Variants in DST observed in about 807,000 individuals in gnomAD.
DST encodes bullous pemphigoid antigen.
In DST, 253 loss-of-function variants were observed where a neutral mutation model predicts 875.2. The observed-to-expected ratio is 0.29, with a 90% CI of 0.26 to 0.32. The LOEUF (loss-of-function observed/expected upper bound fraction) is 0.32. Ranked by LOEUF, DST falls within the 10% of genes least tolerant of loss-of-function variation. The pLI is 1.00. For synonymous variants in DST, 3,124 were observed against 3,197.1 expected (o/e 0.98, Z 0.77); for missense variants, 8,287 against 9,111.6 (o/e 0.91, Z 3.68).
intron 4 of DST, among the ~76,000 whole-genome samples, chr6:56,812,016 T>C (rs777236989): frequency 1.3e-5 from 2 of 150,182 alleles, no homozygotes; most frequent in African/African-American, 2.4e-5. Flanking sequence ...GCATGAGAAC[T>C]GCTTGAACCC....
At chr6:56,470,006 G>GTACAATCCTTAAAACT in intron 96 of DST, 49 bp from the exon 97 acceptor site, 1 of 1,603,584 alleles carries the variant, frequency 6.2e-7, no homozygotes, top group Non-Finnish European at 8.5e-7. Context: ...ATATTACATA[G>GTACAATCCTTAAAACT]TACAATCCTT....
At chr6:56,523,612 A>G (rs886395283) in intron 69 of DST, among the ~76,000 whole-genome samples, 1 of 152,170 alleles carries the variant, frequency 6.6e-6, no homozygotes, top group African/African-American at 2.4e-5. Flanking sequence ...TGACATTATA[A>G]AAGAGGTATA....
chr6:56,642,139 C>T, intron 16 of DST, 38 bp from the exon 17 acceptor site: 1 of 1,541,914 alleles, frequency 6.5e-7, no homozygotes, highest in Non-Finnish European at 8.9e-7. Context: ...TTCTGTGAAA[C>T]AAGTTTCAAA....
At chr6:56,728,197 T>G (rs2099475708) in intron 5 of DST, among the ~76,000 whole-genome samples, 1 of 152,200 alleles carries the variant, frequency 6.6e-6, no homozygotes, top group African/African-American at 2.4e-5. Flanking sequence ...CACAATTTTA[T>G]CAACAAACAC....
chr6:56,549,384 T>G (rs2097282249), intron 61 of DST, among the ~76,000 whole-genome samples: 1 of 152,192 alleles, frequency 6.6e-6, no homozygotes, highest in Non-Finnish European at 1.5e-5. Flanking sequence ...AGCTTTTCAC[T>G]CAATACAAAT....
rs947243093 is a variant in DST, at chr6:56,678,570, T to C, written c.1048-7763A>G. Among the ~76,000 whole-genome samples, 7 of 152,192 alleles carry C rather than the reference T, an allele frequency of 4.6e-5. No homozygotes were observed. In the South Asian group the frequency reaches 6.2e-4, roughly 14 times the overall value. On this transcript the variant is annotated intron_variant, in intron 9 of 103. Transcript: ENST00000680361. ...TATAATATGTATATTTCATATATAC[T>C]TGGGGGACAGGGTGGGCTGTGGGAG... is the stretch of plus-strand genomic sequence containing the variant.
chr6:56,547,540 C>T (rs897864228), intron 61 of DST, among the ~76,000 whole-genome samples: 1 of 152,198 alleles, frequency 6.6e-6, no homozygotes, highest in African/African-American at 2.4e-5. Flanking sequence ...ACAAAAACCT[C>T]TTCTGCAACA....
chr6:56,497,600 T>C, intron 81 of DST, 93 bp from the exon 82 acceptor site: 1 of 1,453,516 alleles, frequency 6.9e-7, no homozygotes, highest in Non-Finnish European at 9.3e-7. Flanking sequence ...GCTAAGCCTC[T>C]CTATGCATTC....
Position 56,517,544 on chromosome 6 carries a change from C to T in DST, c.18206G>A (p.Arg6069Lys). The T allele has an allele frequency of 6.2e-7, 1 of 1,613,294 alleles. No homozygotes were observed. The highest frequency in any genetic ancestry group is 8.5e-7 in the Non-Finnish European group (1 of 1,179,564). Residue 6069 changes from arginine (R) to lysine (K), a missense_variant, in exon 70 of 104, where the codon AGG (arginine) becomes AAG (lysine). By Grantham distance (26) the Arg-to-Lys change is conservative. Around this residue, in one of 10 missense-constraint regions of DST, gnomAD observed 777 missense variants for 764.8 expected, o/e 1.02. Coordinates refer to ENST00000680361, the MANE Select transcript of DST (RefSeq NM_001374736.1). ...EKKLMSLGDI[R>K]LEQDQTSAQL... ...AGCAGAAGTCTGGTCTTGCTCAAGC[C>T]TGATGTCACCCAGAGACATCAATTT... is the stretch of plus-strand genomic sequence containing the variant.
At chr6:56,822,466 C>CAA (rs1426530786) in intron 4 of DST, among the ~76,000 whole-genome samples, 1 of 152,106 alleles carries the variant, frequency 6.6e-6, no homozygotes, top group African/African-American at 2.4e-5. Flanking sequence ...AGAGACTGCA[C>CAA]AAAAGCAAAT....
At chr6:56,466,529 C>A in intron 98 of DST, 1 of 168,336 alleles carries the variant, frequency 5.9e-6, no homozygotes, top group Non-Finnish European at 1.3e-5. Context: ...TAAACATAGC[C>A]ATGAAAGTAA....
chr6:56,815,267 A>G (rs1402496785), intron 4 of DST, among the ~76,000 whole-genome samples: 1 of 152,218 alleles, frequency 6.6e-6, no homozygotes, highest in African/African-American at 2.4e-5. Flanking sequence ...AATAAGGCCA[A>G]TGCACACAGC....
intron 4 of DST, chr6:56,742,266 C>T (rs1004615123): frequency 3.9e-6 from 5 of 1,280,884 alleles, no homozygotes; most frequent in South Asian, 2.5e-5. Flanking sequence ...TGTGATACTA[C>T]TAACCCATAC....
chr6:56,837,239 T>C (rs1483743542), intron 4 of DST, among the ~76,000 whole-genome samples: 1 of 152,204 alleles, frequency 6.6e-6, no homozygotes, highest in African/African-American at 2.4e-5. Flanking sequence ...TAAAAACACC[T>C]TTTCTAATAA....
intron 10 of DST, among the ~76,000 whole-genome samples, chr6:56,661,780 G>A (rs146629032): frequency 2.7e-3 from 405 of 152,218 alleles, no homozygotes; most frequent in African/African-American, 9.0e-3. Flanking sequence ...TAGAGCCGCC[G>A]TTTCTCCATG....
intron 4 of DST, among the ~76,000 whole-genome samples, chr6:56,788,058 G>C (rs946137634): frequency 1.3e-5 from 2 of 148,476 alleles, no homozygotes; most frequent in African/African-American, 5.0e-5. Flanking sequence ...GAACCTGGGA[G>C]GGGGAGGTTG....
chr6:56,707,403 T>G (rs1175738486), intron 5 of DST, among the ~76,000 whole-genome samples: 1 of 152,210 alleles, frequency 6.6e-6, no homozygotes, highest in Non-Finnish European at 1.5e-5. Context: ...CACTAAAAGA[T>G]TATATTTATA....
At chr6:56,783,050 A>G (rs2099697363) in intron 4 of DST, among the ~76,000 whole-genome samples, 1 of 152,062 alleles carries the variant, frequency 6.6e-6, no homozygotes, top group Admixed American at 6.5e-5. Flanking sequence ...GAGTTTCTTA[A>G]TCCTGAGTTC....
intron 36 of DST, among the ~76,000 whole-genome samples, chr6:56,620,997 A>T (rs1220373664): frequency 6.6e-6 from 1 of 152,196 alleles, no homozygotes; most frequent in Non-Finnish European, 1.5e-5. Flanking sequence ...TTATAGCAAG[A>T]AGGGAATTTA....
Sources: gnomAD v4.1 joint callset for allele counts (sites outside exome capture counted in the v4.1 genomes callset) on GRCh38, gnomAD v4.1.1 for gene constraint, gnomAD v4.1.1 regional missense constraint, MANE v1.5 for transcripts, NCBI Gene and HGNC (gene_info 2026-07-23, HGNC 2026-07-21) for gene names.